Variants in KLF16 observed in about 807,000 individuals in gnomAD.
The protein encoded by KLF16 is Krueppel-like factor 16.
A neutral mutation model predicts 6.1 loss-of-function variants in KLF16; 6 were observed. The observed-to-expected ratio is 0.98, with a 90% confidence interval of 0.54 to 1.93. KLF16 has a LOEUF of 1.93. KLF16 is among the 30% of genes most tolerant of loss of function. The pLI, the probability that KLF16 is intolerant of heterozygous loss-of-function variation, is 0.01. For synonymous variants in KLF16, 211 were observed against 176.5 expected (o/e 1.20, Z -1.55); for missense variants, 355 against 363.8 (o/e 0.98, Z 0.20).
the KLF16 span, chr19:1,876,222 G>A: frequency 6.6e-6 from 1 of 152,576 alleles, no homozygotes; most frequent in East Asian, 1.9e-4. Context: ...CCCCGCACGT[G>A]ACGCAGCGCC....
rs1464155965 is a variant in KLF16 at position 1,854,754 on chromosome 19, C to T, written c.464G>A (p.Arg155His). The change falls in exon 2 of 2, where the codon CGC becomes CAC. Residue 155 changes from arginine to histidine, a missense_variant. By Grantham distance (29) the Arg-to-His change is conservative. Transcript: ENST00000250916. Reference sequence around the variant, plus strand: ...GCCCTGCCAGTCACAAGCAAAAGGGCGTTCCCCTGGACGGAGAGACAGAGA... The same window carrying T: ...GCCCTGCCAGTCACAAGCAAAAGGGTGTTCCCCTGGACGGAGAGACAGAGA... ...KSHLRTHTGE[R>H]PFACDWQGCD... 3 of 1,598,150 alleles carry T rather than the reference C, an allele frequency of 1.9e-6. No homozygotes were observed. Among genetic ancestry groups the T allele is most frequent in the Non-Finnish European group, 2.5e-6 (3 of 1,179,402 alleles).
chr19:1,859,399 C>A (rs537651246), intron 1 of KLF16, among the ~76,000 whole-genome samples: 14 of 152,090 alleles, frequency 9.2e-5, no homozygotes, highest in African/African-American at 3.4e-4. Context: ...CGATCCCTCC[C>A]ACATCTCGTC....
the KLF16 span, chr19:1,874,724 A>G: frequency 7.8e-6 from 1 of 127,752 alleles, no homozygotes; most frequent in African/African-American, 2.8e-5. Flanking sequence ...AATGGTATTC[A>G]GCAATAAATG....
intron 1 of KLF16, among the ~76,000 whole-genome samples, chr19:1,860,925 A>G (rs577685751): frequency 6.6e-6 from 1 of 152,082 alleles, no homozygotes; most frequent in South Asian, 2.1e-4. Context: ...CGTTACTGTA[A>G]AGGGGGCTTT....
the KLF16 span, chr19:1,875,085 GC>G: frequency 2.6e-5 from 4 of 152,148 alleles, no homozygotes; most frequent in Middle Eastern, 3.2e-3. Context: ...GGTGTCGCCG[GC>G]CCCCTCTTAT....
At chr19:1,862,967 A>C in intron 1 of KLF16, 74 bp downstream of exon 1, 1 of 880,956 alleles carries the variant, frequency 1.1e-6, no homozygotes, top group Non-Finnish European at 1.4e-6. Flanking sequence ...CGCGCCACGC[A>C]GTTTCGGGGT....
rs1465373195 is a variant in KLF16, at chr19:1,854,489, G to A, written c.729C>T (p.Pro243=). 1.9e-5 allele frequency: 28 copies of A among 1,436,116 alleles called. No homozygotes were observed. Among genetic ancestry groups the A allele is most frequent in the Admixed American group, 6.1e-5 (2 of 32,736 alleles). The allele number at this position is 1,436,116 out of a possible 1,614,324, so 89.0% of individuals were successfully genotyped here. ...CSLAGSPAPS[P]APSPAPAGL is the part of the protein sequence containing the mutation. ...GGCCTGCGGGGGCTGGGCTGGGCGC[G>A]GGGCTGGGCGCAGGGCTCCCGGCCA... The change falls in exon 2 of 2, where the codon CCC becomes CCT. Residue 243 remains proline, a synonymous_variant. Transcript: ENST00000250916.
At chr19:1,869,411 C>T in the KLF16 span, among the ~76,000 whole-genome samples, 5 of 152,054 alleles carry the variant, frequency 3.3e-5, no homozygotes, top group Non-Finnish European at 5.9e-5. Context: ...TCCCAGGAGG[C>T]GGAGGTTGCA....
upstream of KLF16, among the ~76,000 whole-genome samples, chr19:1,865,352 GCAGGTCCCC>G (rs540060324): frequency 1.1e-3 from 163 of 152,348 alleles, no homozygotes; most frequent in African/African-American, 3.6e-3. Context: ...GGCCACTTGG[GCAGGTCCCC>G]CAGGTCCCCA....
chr19:1,860,675 A>G (rs575109581), intron 1 of KLF16, among the ~76,000 whole-genome samples: 79 of 152,250 alleles, frequency 5.2e-4, no homozygotes, highest in African/African-American at 1.8e-3. Flanking sequence ...TCCCTCCCAA[A>G]AAAACGCATG....
At chr19:1,862,715 A>AAT in intron 1 of KLF16, 1 of 301,778 alleles carries the variant, frequency 3.3e-6, no homozygotes, top group East Asian at 4.7e-5. Flanking sequence ...CAGAACGCAA[A>AAT]AGAAAAAAAA....
chr19:1,870,658 G>A, the KLF16 span, among the ~76,000 whole-genome samples: 1 of 152,002 alleles, frequency 6.6e-6, no homozygotes. Context: ...CCAGGTAACA[G>A]GGTGACAGTC....
At chr19:1,861,843 A>T (rs1371017337) in intron 1 of KLF16, 1 of 151,858 alleles carries the variant, frequency 6.6e-6, no homozygotes, top group Non-Finnish European at 1.5e-5. Context: ...GCCCCTGCTC[A>T]TCTCAGCCCC....
rs540649233 is a variant in KLF16, at chr19:1,857,332, G to A, written c.458-2572C>T. The stretch of plus-strand genomic sequence containing the variant: ...CAGAGCGCGCTGCTCCTAGCCAGCC[G>A]GGCCCCCAGGTGCACAGCCACCCAG... On this transcript the variant is annotated intron_variant, in intron 1 of 1. Transcript: ENST00000250916. The surrounding 1 kb of genome is among the most constrained non-coding windows in gnomAD (Gnocchi z 4.7). Among the ~76,000 whole-genome samples the A allele has an allele frequency of 6.6e-6, 1 of 152,366 alleles. No individual in the cohort carries two copies. The highest frequency in any genetic ancestry group is 6.5e-5 in the Admixed American group (1 of 15,306).
intron 1 of KLF16, chr19:1,861,978 G>A (rs2012074031): frequency 6.6e-6 from 1 of 152,252 alleles, no homozygotes; most frequent in African/African-American, 2.4e-5. Flanking sequence ...ATGAAATAGA[G>A]GCAGCATCGC....
intron 1 of KLF16, among the ~76,000 whole-genome samples, chr19:1,858,384 C>T (rs937262978): frequency 6.6e-6 from 1 of 152,154 alleles, no homozygotes; most frequent in Non-Finnish European, 1.5e-5. Flanking sequence ...GGCCTGGTGC[C>T]CCCCAAGCAC....
At position 1,854,454 on chromosome 19, in the gene KLF16, G is replaced by A; in HGVS notation, c.*5C>T. On this transcript the variant is annotated 3_prime_UTR_variant, in exon 2 of 2. Coordinates refer to ENST00000250916, the MANE Select transcript of KLF16 (RefSeq NM_031918.4). Reference sequence around the variant, plus strand: ...CTGGCGGTCAGGGTGGGCTGCACGAGGGCCCTACAGGCCTGCGGGGGCTGG... The same window carrying A: ...CTGGCGGTCAGGGTGGGCTGCACGAAGGCCCTACAGGCCTGCGGGGGCTGG... 1 of 1,399,162 alleles carries A rather than the reference G, an allele frequency of 7.1e-7. No individual in the cohort carries two copies. The highest frequency in any genetic ancestry group is 9.2e-7 in the Non-Finnish European group (1 of 1,086,884). 86.7% of individuals were successfully genotyped at this position (1,399,162 alleles called of 1,614,324 possible). A position where few individuals can be genotyped will look rare whatever the true frequency, so the allele number is the denominator to read the frequency against.
At chr19:1,855,164 G>A (rs898396081) in intron 1 of KLF16, among the ~76,000 whole-genome samples, 1 of 152,188 alleles carries the variant, frequency 6.6e-6, no homozygotes, top group Non-Finnish European at 1.5e-5. Flanking sequence ...CAGAAGGCAT[G>A]CTCGGCCTTC....
At chr19:1,869,352 C>T in the KLF16 span, among the ~76,000 whole-genome samples, 15 of 152,130 alleles carry the variant, frequency 9.9e-5, no homozygotes, top group Non-Finnish European at 1.8e-4. Context: ...TGGTGGTGGG[C>T]GCCTGTAATC....
Sources: gnomAD v4.1 joint callset for allele counts (sites outside exome capture counted in the v4.1 genomes callset) on GRCh38, gnomAD v4.1.1 for gene constraint, Gnocchi (gnomAD v3.1) non-coding constraint, MANE v1.5 for transcripts, NCBI Gene and HGNC (gene_info 2026-07-23, HGNC 2026-07-21) for gene names.